Variants in GRIA4 observed in about 807,000 individuals in gnomAD.
GRIA4 encodes glutamate ionotropic receptor AMPA type subunit 4.
A neutral mutation model predicts 104.0 loss-of-function variants in GRIA4; 34 were observed. The ratio of observed to expected loss-of-function variants is 0.33; its 90% CI spans 0.25 to 0.44. The LOEUF (loss-of-function observed/expected upper bound fraction) is 0.44. GRIA4 is among the 20% of genes least tolerant of loss of function. GRIA4 has a pLI of 1.00. For missense variants in GRIA4, 750 were observed against 1,096.5 expected, an observed-to-expected ratio of 0.68 and a Z score of 4.46; for synonymous variants, 386 against 381.9, an observed-to-expected ratio of 1.01 and a Z score of -0.13.
chr11:105,866,547 G>GTATATATATATA (rs1240615789), intron 5 of GRIA4, among the ~76,000 whole-genome samples: 3 of 42,646 alleles, frequency 7.0e-5, no homozygotes, highest in East Asian at 7.3e-4. Context: ...GTGTGTGTGT[G>GTATATATATATA]TGTGTATATA....
intron 4 of GRIA4, among the ~76,000 whole-genome samples, chr11:105,851,429 A>G (rs1944804983): frequency 1.3e-5 from 2 of 152,184 alleles, no homozygotes; most frequent in Non-Finnish European, 2.9e-5. Flanking sequence ...AGCACATAGG[A>G]CTTATTTAAT....
chr11:105,659,420 A>G (rs149697649), intron 3 of GRIA4, among the ~76,000 whole-genome samples: 1 of 152,056 alleles, frequency 6.6e-6, no homozygotes, highest in East Asian at 1.9e-4. Flanking sequence ...TGCATTTATT[A>G]TATCTACCCA....
intron 4 of GRIA4, among the ~76,000 whole-genome samples, chr11:105,852,751 T>C (rs1271687276): frequency 1.3e-5 from 2 of 152,168 alleles, no homozygotes; most frequent in African/African-American, 4.8e-5. Context: ...TGGTGAATAC[T>C]TACTTCATCC....
intron 10 of GRIA4, chr11:105,911,883 TG>T (rs952300227): frequency 5.8e-6 from 9 of 1,558,952 alleles, no homozygotes; most frequent in Non-Finnish European, 3.5e-6. Flanking sequence ...CAGCCTCTGA[TG>T]AAGAATCCTA....
chr11:105,752,901 T>G, intron 3 of GRIA4, 80 bp from the exon 4 acceptor site: 1 of 1,341,616 alleles, frequency 7.5e-7, no homozygotes, highest in East Asian at 2.3e-5. Context: ...TTTATTTTTT[T>G]AATTTTCTAG....
chr11:105,732,122 C>T (rs1938635668), intron 3 of GRIA4, among the ~76,000 whole-genome samples: 1 of 152,108 alleles, frequency 6.6e-6, no homozygotes, highest in Non-Finnish European at 1.5e-5. Context: ...TATCTCTAGG[C>T]TGAGGAAGCA....
At chr11:105,708,575 T>C (rs1953792932) in intron 3 of GRIA4, among the ~76,000 whole-genome samples, 1 of 152,094 alleles carries the variant, frequency 6.6e-6, no homozygotes, top group Non-Finnish European at 1.5e-5. Context: ...TGGGAAAATA[T>C]TATTTGATAT....
At chr11:105,670,800 C>A (rs1014040340) in intron 3 of GRIA4, among the ~76,000 whole-genome samples, 1 of 152,256 alleles carries the variant, frequency 6.6e-6, no homozygotes, top group Non-Finnish European at 1.5e-5. Flanking sequence ...CAAATTACCA[C>A]AAATGTAGTG....
intron 14 of GRIA4, among the ~76,000 whole-genome samples, chr11:105,971,222 A>G (rs1402569248): frequency 6.6e-6 from 1 of 152,214 alleles, no homozygotes; most frequent in African/African-American, 2.4e-5. Flanking sequence ...AAGATAGACA[A>G]GATAGATGAA....
At chr11:105,811,473 T>C (rs1389406896) in intron 4 of GRIA4, among the ~76,000 whole-genome samples, 2 of 152,016 alleles carry the variant, frequency 1.3e-5, no homozygotes, top group South Asian at 2.1e-4. Flanking sequence ...CGAGGTCCCA[T>C]CCTGTCAGTG....
chr11:105,771,627 A>G (rs1257933029), intron 4 of GRIA4, among the ~76,000 whole-genome samples: 1 of 152,096 alleles, frequency 6.6e-6, no homozygotes, highest in Admixed American at 6.6e-5. Context: ...GAAACTATGC[A>G]CTGAAGTAAT....
At chr11:105,886,145 A>G (rs1022111361) in intron 5 of GRIA4, among the ~76,000 whole-genome samples, 1 of 152,246 alleles carries the variant, frequency 6.6e-6, no homozygotes, top group Admixed American at 6.5e-5. Flanking sequence ...CCATGTATAC[A>G]AAACTCTTTT....
intron 6 of GRIA4, among the ~76,000 whole-genome samples, chr11:105,892,167 C>T (rs1200147274): frequency 1.3e-5 from 2 of 152,072 alleles, no homozygotes; most frequent in East Asian, 1.9e-4. Context: ...TAATCATCTC[C>T]CACAGCACCC....
At chr11:105,752,430 A>C (rs1397642423) in intron 3 of GRIA4, among the ~76,000 whole-genome samples, 1 of 152,198 alleles carries the variant, frequency 6.6e-6, no homozygotes, top group Non-Finnish European at 1.5e-5. Context: ...ATTGTGATTA[A>C]AATGAAATTG....
chr11:105,887,545 A>C lies in GRIA4; in HGVS notation c.699A>C (p.Lys233Asn). The change falls in exon 6 of 17, where the codon AAA becomes AAC. Residue 233 changes from lysine (K) to asparagine (N), a missense_variant. Transcript: ENST00000282499. ...TTGTAAGTGTTGGAAAGCATGTTAA[A>C]GGCTACCATTATATCATTGCAAACT... ...EQIVSVGKHVKGYHYIIANLG... is the reference protein window; with the variant it reads ...EQIVSVGKHVNGYHYIIANLG... 1 of 1,462,462 alleles carries C rather than the reference A, an allele frequency of 6.8e-7. No individual in the cohort carries two copies. Among genetic ancestry groups the C allele is most frequent in the East Asian group, 2.3e-5 (1 of 43,038 alleles). The allele number at this position is 1,462,462 out of a possible 1,614,324, so 90.6% of individuals were successfully genotyped here.
intron 4 of GRIA4, among the ~76,000 whole-genome samples, chr11:105,815,343 T>C (rs1436463088): frequency 6.6e-6 from 1 of 152,150 alleles, no homozygotes; most frequent in African/African-American, 2.4e-5. Flanking sequence ...ACAAATCCTT[T>C]ACTTGGTTTA....
At chr11:105,918,602 G>A in intron 10 of GRIA4, 110 bp from the exon 11 acceptor site, 2 of 630,700 alleles carry the variant, frequency 3.2e-6, no homozygotes, top group Non-Finnish European at 5.7e-6. Context: ...ATCAGTATGT[G>A]TACCAATACT....
chr11:105,974,292 T>C lies in GRIA4; in HGVS notation c.2410-18T>C, dbSNP rs1858856320. On this transcript the variant is annotated intron_variant, in intron 15 of 16. Transcript: ENST00000282499. Reference sequence around the variant, plus strand: ...GTGACATTTCCACAGTTAACTGAAGTGTCTTTATCCCCCCTAGGACAAGAC... The same window carrying C: ...GTGACATTTCCACAGTTAACTGAAGCGTCTTTATCCCCCCTAGGACAAGAC... 1 of 1,609,622 alleles carries C rather than the reference T, an allele frequency of 6.2e-7. No homozygotes were observed. Among genetic ancestry groups the C allele is most frequent in the Non-Finnish European group, 8.5e-7 (1 of 1,177,204 alleles).
intron 3 of GRIA4, among the ~76,000 whole-genome samples, chr11:105,627,837 G>C (rs1411647237): frequency 2.6e-5 from 4 of 152,156 alleles, no homozygotes; most frequent in Non-Finnish European, 5.9e-5. Context: ...GATTAATATA[G>C]ATGCCGATAG....
Sources: gnomAD v4.1 joint callset for allele counts (sites outside exome capture counted in the v4.1 genomes callset) on GRCh38, gnomAD v4.1.1 for gene constraint, MANE v1.5 for transcripts, NCBI Gene and HGNC (gene_info 2026-07-23, HGNC 2026-07-21) for gene names.